The following SUMF1 variants were observed in gnomAD, a reference collection of about 807,000 sequenced individuals.
SUMF1 encodes the protein sulfatase modifying factor 1.
SUMF1 carries 48 observed loss-of-function variants against 47.6 expected under a neutral mutation model. The ratio of observed to expected loss-of-function variants is 1.01; its 90% CI spans 0.80 to 1.28. The LOEUF (loss-of-function observed/expected upper bound fraction) is 1.28. Ranked by LOEUF, SUMF1 falls within the 50% of genes most tolerant of loss-of-function variation. The pLI is 0.00. For synonymous variants in SUMF1, 230 were observed against 192.1 expected, an observed-to-expected ratio of 1.20 and a Z score of -1.63; for missense variants, 571 against 485.4, an observed-to-expected ratio of 1.18 and a Z score of -1.66.
downstream of SUMF1, among the ~76,000 whole-genome samples, chr3:4,357,631 G>A (rs866618282): frequency 3.6e-5 from 5 of 137,276 alleles, no homozygotes; most frequent in African/African-American, 8.2e-5. Flanking sequence ...ATTTTGAGAC[G>A]GAGTTTCGCT....
intron 3 of SUMF1, among the ~76,000 whole-genome samples, chr3:4,435,797 A>G (rs1197320736): frequency 1.3e-5 from 2 of 152,240 alleles, no homozygotes; most frequent in African/African-American, 2.4e-5. Flanking sequence ...AATGAAGGTG[A>G]AATAAAAACA....
intron 8 of SUMF1, among the ~76,000 whole-genome samples, chr3:4,160,083 A>T (rs1694540928): frequency 6.6e-6 from 1 of 152,132 alleles, no homozygotes; most frequent in East Asian, 1.9e-4. Flanking sequence ...TCTTATAGTT[A>T]AATATCGATA....
chr3:4,217,291 A>C (rs1345822112), intron 8 of SUMF1, among the ~76,000 whole-genome samples: 6 of 150,366 alleles, frequency 4.0e-5, no homozygotes, highest in African/African-American at 1.5e-4. Context: ...ACATGTTCTC[A>C]CTCATAAATG....
chr3:4,434,899 G>C (rs1273707382), intron 3 of SUMF1, among the ~76,000 whole-genome samples: 1 of 152,106 alleles, frequency 6.6e-6, no homozygotes, highest in Non-Finnish European at 1.5e-5. Context: ...ACCCCAAGAT[G>C]ACCCAGAAGT....
At chr3:4,287,062 T>G (rs1272920389) in intron 8 of SUMF1, among the ~76,000 whole-genome samples, 1 of 152,182 alleles carries the variant, frequency 6.6e-6, no homozygotes, top group African/African-American at 2.4e-5. Flanking sequence ...CTCACAAGTG[T>G]ATGTGTTTTC....
At chr3:4,238,918 T>C (rs1230413313) in intron 8 of SUMF1, among the ~76,000 whole-genome samples, 3 of 152,204 alleles carry the variant, frequency 2.0e-5, no homozygotes. Flanking sequence ...GTCTTACACT[T>C]AAGCCTTTAA....
intron 8 of SUMF1, among the ~76,000 whole-genome samples, chr3:4,167,720 C>T (rs546190205): frequency 1.3e-5 from 2 of 152,172 alleles, no homozygotes; most frequent in Non-Finnish European, 1.5e-5. Flanking sequence ...ATACACCCTG[C>T]CTATTTCTTC....
intron 7 of SUMF1, 58 bp downstream of exon 7, chr3:4,410,807 A>C: frequency 6.8e-7 from 1 of 1,475,138 alleles, no homozygotes; most frequent in Non-Finnish European, 9.5e-7. Context: ...CTGGCTGCAG[A>C]CTGCCCAGAG....
At chr3:4,304,568 A>T (rs1021988482) in intron 8 of SUMF1, among the ~76,000 whole-genome samples, 2 of 152,234 alleles carry the variant, frequency 1.3e-5, no homozygotes, top group African/African-American at 4.8e-5. Context: ...GAGCTTAGAC[A>T]TCTTAGCTAC....
rs1462868039 is a variant in SUMF1 at position 4,185,048 on chromosome 3, T to C, written c.1015-116303A>G. On this transcript the variant is annotated intron_variant and NMD_transcript_variant, in intron 8 of 12. Coordinates refer to the SUMF1 transcript ENST00000448413. ...CTATTTCCTATACAAGGAGATTTTG[T>C]TGGTAAAATTTTATGAGATGATTAG... is the stretch of plus-strand genomic sequence containing the variant. 2.0e-5 allele frequency among the ~76,000 whole-genome samples: 3 copies of C among 152,310 alleles called. No individual in the cohort carries two copies. In the East Asian group the frequency reaches 5.8e-4, roughly 29 times the overall value.
intron 8 of SUMF1, among the ~76,000 whole-genome samples, chr3:4,108,617 T>G (rs932386778): frequency 1.3e-5 from 2 of 152,110 alleles, no homozygotes; most frequent in Non-Finnish European, 2.9e-5. Context: ...CCATATTGGG[T>G]GCATATATAT....
chr3:4,440,526 C>T (rs189957043), intron 3 of SUMF1, among the ~76,000 whole-genome samples: 1 of 152,160 alleles, frequency 6.6e-6, no homozygotes, highest in Non-Finnish European at 1.5e-5. Flanking sequence ...TTAGAGTTGT[C>T]GTGCAGTTGT....
rs539564232 is a variant in SUMF1 at position 4,321,488 on chromosome 3, A to G, written c.1014+54842T>C. Among the ~76,000 whole-genome samples the G allele has an allele frequency of 6.6e-3, 976 of 148,110 alleles. 10 individuals carry two copies. Among genetic ancestry groups the G allele is most frequent in the Non-Finnish European group, 9.8e-3 (663 of 67,322 alleles). ...GAAATGCTAAAAAAAAAAAAAAAAAAAAAAAGAAAAAGAAAGAAACCTACA... is the reference window on the plus strand; with the variant it reads ...GAAATGCTAAAAAAAAAAAAAAAAAGAAAAAGAAAAAGAAAGAAACCTACA... On this transcript the variant is annotated intron_variant and NMD_transcript_variant, in intron 8 of 12. Transcript: ENST00000448413.
rs1223790586 is a variant in SUMF1, at chr3:4,366,099, T to C, written c.1015-3845A>G. Reference sequence around the variant, plus strand: ...GCCGAGAGATCCGCTGTTAGTCTGATGGGCTTCCCTTCGTGGGTAACCCGA... The same window carrying C: ...GCCGAGAGATCCGCTGTTAGTCTGACGGGCTTCCCTTCGTGGGTAACCCGA... On this transcript the variant is annotated intron_variant, in intron 8 of 8. Coordinates refer to ENST00000272902, the MANE Select transcript of SUMF1 (RefSeq NM_182760.4). Among the ~76,000 whole-genome samples, 6 of 152,132 alleles carry C rather than the reference T, an allele frequency of 3.9e-5. No individual in the cohort carries two copies. In the East Asian group the frequency reaches 7.7e-4, roughly 20 times the overall value.
In SUMF1 at chr3:4,107,087, T is replaced by C. The variant is rs192313379; in HGVS notation, c.1015-38342A>G. 1.3e-3 allele frequency among the ~76,000 whole-genome samples: 198 copies of C among 152,176 alleles called. 2 individuals carry two copies. Among genetic ancestry groups the C allele is most frequent in the Admixed American group, 6.7e-3 (103 of 15,288 alleles). On this transcript the variant is annotated intron_variant and NMD_transcript_variant, in intron 8 of 12. Coordinates refer to the SUMF1 transcript ENST00000448413. ...TTCTACCATCAGCTACTGAGATCAA[T>C]AGCCCAAGGTTGGGCATGGAGGAGC...
chr3:4,228,550 T>C (rs1408713199), intron 8 of SUMF1, among the ~76,000 whole-genome samples: 2 of 152,146 alleles, frequency 1.3e-5, no homozygotes, highest in Admixed American at 1.3e-4. Context: ...TGCCCTCACC[T>C]TTATGCGGCT....
chr3:4,220,944 G>C (rs1003550892), intron 8 of SUMF1, among the ~76,000 whole-genome samples: 5 of 152,112 alleles, frequency 3.3e-5, no homozygotes, highest in African/African-American at 9.7e-5. Flanking sequence ...GTGTGCACCA[G>C]AGTCTCATGC....
intron 3 of SUMF1, among the ~76,000 whole-genome samples, chr3:4,429,999 A>G (rs1702184766): frequency 6.6e-6 from 1 of 152,180 alleles, no homozygotes; most frequent in Non-Finnish European, 1.5e-5. Context: ...AAAGGTGGGA[A>G]GGATCTGAGA....
At chr3:4,447,944 G>A (rs113889503) in intron 3 of SUMF1, among the ~76,000 whole-genome samples, 17 of 151,964 alleles carry the variant, frequency 1.1e-4, no homozygotes, top group African/African-American at 3.1e-4. Flanking sequence ...AAGCGCAAAC[G>A]CCCACCCTCA....
Sources: allele counts gnomAD v4.1 joint callset (sites outside exome capture counted in the v4.1 genomes callset), GRCh38; gene constraint gnomAD v4.1.1; transcripts MANE v1.5; gene names NCBI Gene and HGNC (gene_info 2026-07-23, HGNC 2026-07-21).